Variants in NIBAN3 observed in about 807,000 individuals in gnomAD.
The protein encoded by NIBAN3 is niban apoptosis regulator 3.
Under a neutral mutation model 76.4 loss-of-function variants are expected in NIBAN3, and 66 were observed. The ratio of observed to expected loss-of-function variants is 0.86; its 90% CI spans 0.71 to 1.06. NIBAN3 has a LOEUF of 1.06. Ranked by LOEUF, NIBAN3 falls within the 50% of genes least tolerant of loss-of-function variation. NIBAN3 has a pLI of 0.00. For missense variants in NIBAN3, 808 were observed against 810.7 expected (o/e 1.00, Z 0.04); for synonymous variants, 360 against 355.2 (o/e 1.01, Z -0.15).
upstream of NIBAN3, chr19:17,527,162 G>A (rs1286698336): frequency 2.0e-6 from 3 of 1,506,130 alleles, no homozygotes; most frequent in East Asian, 7.4e-5. Context: ...ACTGGCTCTG[G>A]GCAACACGGG....
intron 11 of NIBAN3, 33 bp from the exon 12 acceptor site, chr19:17,543,491 G>A (rs910301558): frequency 1.2e-6 from 2 of 1,612,674 alleles, no homozygotes; most frequent in African/African-American, 2.7e-5. Flanking sequence ...TGCTCAGATG[G>A]TTGCTGGACG....
intron 1 of NIBAN3, 91 bp downstream of exon 1, chr19:17,527,486 C>G: frequency 7.5e-7 from 1 of 1,328,814 alleles, no homozygotes; most frequent in Non-Finnish European, 1.0e-6. Flanking sequence ...AGATGGGGTT[C>G]GGTTCAGACC....
chr19:17,539,612 G>A lies in NIBAN3; in HGVS notation c.826G>A (p.Ala276Thr). 1 of 1,554,012 alleles carries A rather than the reference G, an allele frequency of 6.4e-7. No homozygotes were observed. Among genetic ancestry groups the A allele is most frequent in the Non-Finnish European group, 8.7e-7 (1 of 1,144,988 alleles). Residue 276 changes from alanine to threonine, a missense_variant, in exon 8 of 15, where the codon GCC (alanine) becomes ACC (threonine). Physicochemically the swap from Ala to Thr is moderately conservative, Grantham distance 58 (BLOSUM62 0). Transcript: ENST00000599164. ...RAWAWTELLD[A>T]VHAAVLAGAS... is the part of the protein sequence containing the mutation. ...CGACCGGTCTGGGCAGCTTCTAGAC[G>A]CCGTTCACGCAGCTGTCCTGGCCGG...
At chr19:17,545,728 C>G (rs1384565469) in intron 12 of NIBAN3, 1 of 169,580 alleles carries the variant, frequency 5.9e-6, no homozygotes, top group East Asian at 1.7e-4. Context: ...CTTTCACTAA[C>G]TGACTACTGC....
intron 14 of NIBAN3, among the ~76,000 whole-genome samples, chr19:17,551,500 C>T (rs983409537): frequency 7.9e-5 from 12 of 151,764 alleles, no homozygotes; most frequent in Non-Finnish European, 1.5e-4. Context: ...CTCTGCCTCT[C>T]GGGTTCAAGC....
chr19:17,546,714 T>C lies in NIBAN3; in HGVS notation c.1583T>C (p.Leu528Pro). ...KELPEFEGDV[L>P]AVGSQALTTE... The stretch of plus-strand genomic sequence containing the variant: ...CTGCCTGAGTTCGAGGGGGATGTCC[T>C]TGCCGTGGGCAGCCAGGCTCTGACC... Residue 528 changes from leucine to proline, a missense_variant, in exon 13 of 15, where the codon CTT becomes CCT. Coordinates refer to ENST00000599164, the MANE Select transcript of NIBAN3 (RefSeq NM_001321827.2). 1 of 1,597,862 alleles carries C rather than the reference T, an allele frequency of 6.3e-7. No homozygotes were observed. The highest frequency in any genetic ancestry group is 8.5e-7 in the Non-Finnish European group (1 of 1,173,264).
At chr19:17,529,768 T>C (rs1166279182) in intron 1 of NIBAN3, among the ~76,000 whole-genome samples, 2 of 152,196 alleles carry the variant, frequency 1.3e-5, no homozygotes, top group Non-Finnish European at 2.9e-5. Context: ...GCTTACATGA[T>C]ACGTGAGCTA....
At chr19:17,523,452 G>A (rs777121566), upstream of NIBAN3, 66 of 1,564,074 alleles carry the variant, frequency 4.2e-5, no homozygotes, top group South Asian at 9.4e-5. Flanking sequence ...GGGCCTGACC[G>A]GAAGGAGGTT....
At position 17,553,582 on chromosome 19, in the gene NIBAN3, A is replaced by T. The variant is rs1378618186; in HGVS notation, c.*1684A>T. The T allele has an allele frequency of 6.2e-7, 1 of 1,604,610 alleles. No individual in the cohort carries two copies. Among genetic ancestry groups the T allele is most frequent in the South Asian group, 1.1e-5 (1 of 90,902 alleles). The stretch of plus-strand genomic sequence containing the variant: ...ACAATGAGATATTCCTGACCTTTCC[A>T]CCTATTTCCCTCCAACCCCACCTTC... On this transcript the variant is annotated 3_prime_UTR_variant, in exon 15 of 15. Transcript: ENST00000599164.
intron 2 of NIBAN3, among the ~76,000 whole-genome samples, chr19:17,531,356 C>A (rs1307200426): frequency 1.5e-5 from 2 of 132,080 alleles, no homozygotes; most frequent in Middle Eastern, 3.8e-3. Flanking sequence ...CACACACACA[C>A]ACACACACAC....
intron 12 of NIBAN3, chr19:17,546,188 TATA>T (rs1173223216): frequency 6.0e-6 from 1 of 166,992 alleles, no homozygotes; most frequent in Non-Finnish European, 1.3e-5. Context: ...TGAGGATTAT[TATA>T]ATATTGGAAT....
chr19:17,532,124 T>C lies in NIBAN3; in HGVS notation c.187-139T>C, dbSNP rs115016598. 4.4e-3 allele frequency: 5,126 copies of C among 1,164,800 alleles called. 188 individuals are homozygous for C. The African/African-American group carries it at 0.073, about 17-fold the overall frequency. 72.2% of individuals were successfully genotyped at this position (1,164,800 alleles called of 1,614,324 possible). On this transcript the variant is annotated intron_variant, in intron 2 of 14. Transcript: ENST00000599164. ...GAGCTGTGGACACAGAGCCCCTTCC[T>C]GCCTAGGACTCTCTCTGTCCAGCCT... is the stretch of plus-strand genomic sequence containing the variant.
At chr19:17,550,893 C>T (rs2076144527) in intron 14 of NIBAN3, among the ~76,000 whole-genome samples, 1 of 129,634 alleles carries the variant, frequency 7.7e-6, no homozygotes, top group African/African-American at 2.8e-5. Context: ...TGGGCAAATC[C>T]CGCAATGGGA....
chr19:17,549,514 A>G lies in NIBAN3; in HGVS notation c.1737A>G (p.Glu579=). The change falls in exon 14 of 15, where the codon GAA becomes GAG. Residue 579 remains glutamate (E), a synonymous_variant. Transcript: ENST00000599164. ...TLDGCLEVPW[E]QEGADEETEA... ...ACGGCTGCTTGGAGGTCCCATGGGA[A>G]CAGGAGGGAGCAGGTGGGGAACTTC... 1.2e-6 allele frequency: 2 copies of G among 1,613,442 alleles called. No individual in the cohort carries two copies. Among genetic ancestry groups the G allele is most frequent in the African/African-American group, 1.3e-5 (1 of 75,028 alleles).
At chr19:17,545,718 C>T (rs2076041611) in intron 12 of NIBAN3, 1 of 166,880 alleles carries the variant, frequency 6.0e-6, no homozygotes, top group South Asian at 1.3e-4. Context: ...ACTTTTAGTA[C>T]TTTCACTAAC....
intron 14 of NIBAN3, 140 bp from the exon 15 acceptor site, chr19:17,551,646 C>A (rs775630684): frequency 2.6e-5 from 13 of 495,408 alleles, no homozygotes; most frequent in Non-Finnish European, 4.8e-5. Context: ...GATCCTTGGT[C>A]TCCCAGAGTG....
intron 4 of NIBAN3, among the ~76,000 whole-genome samples, chr19:17,534,909 A>G (rs988802350): frequency 1.3e-5 from 2 of 152,190 alleles, no homozygotes; most frequent in Non-Finnish European, 2.9e-5. Flanking sequence ...TCTGCCCAGC[A>G]GGCAGGCCCA....
chr19:17,534,790 CAAA>C (rs751685692), intron 4 of NIBAN3, among the ~76,000 whole-genome samples: 14 of 75,784 alleles, frequency 1.8e-4, no homozygotes, highest in Middle Eastern at 0.017. Flanking sequence ...GACTCCATCT[CAAA>C]AAAAAAAAAA....
chr19:17,548,659 C>T (rs1432554275), intron 13 of NIBAN3, among the ~76,000 whole-genome samples: 1 of 152,172 alleles, frequency 6.6e-6, no homozygotes, highest in Non-Finnish European at 1.5e-5. Context: ...GGCACTGTGG[C>T]TCACGCCTGT....
Sources: allele counts gnomAD v4.1 joint callset (sites outside exome capture counted in the v4.1 genomes callset), GRCh38; gene constraint gnomAD v4.1.1; transcripts MANE v1.5; gene names NCBI Gene and HGNC (gene_info 2026-07-23, HGNC 2026-07-21).